The following ADARB2 variants were observed in gnomAD, a reference collection of about 807,000 sequenced individuals.
ADARB2 encodes inactive double-stranded RNA-specific editase B2.
ADARB2 carries 25 observed loss-of-function variants against 62.2 expected under a neutral mutation model. That is an observed-to-expected ratio of 0.40 (90% CI 0.29 to 0.56). The LOEUF is 0.56. Ranked by LOEUF, ADARB2 falls within the 20% of genes least tolerant of loss-of-function variation. The pLI is 0.43. For synonymous variants in ADARB2, 572 were observed against 500.8 expected (o/e 1.14, Z -1.90); for missense variants, 1,071 against 1,077.4 (o/e 0.99, Z 0.08).
chr10:1,385,048 A>C (rs1338333444), intron 1 of ADARB2, among the ~76,000 whole-genome samples: 2 of 152,224 alleles, frequency 1.3e-5, no homozygotes, highest in Admixed American at 6.5e-5. Flanking sequence ...AACTGCCGTG[A>C]ACATGCGCTA....
intron 1 of ADARB2, among the ~76,000 whole-genome samples, chr10:1,565,851 C>T (rs558181725): frequency 4.6e-5 from 7 of 152,132 alleles, no homozygotes; most frequent in Admixed American, 1.3e-4. Flanking sequence ...TGTGTTCACG[C>T]GCTTCTCCGT....
intron 1 of ADARB2, among the ~76,000 whole-genome samples, chr10:1,433,680 G>T (rs72762982): frequency 0.043 from 6,577 of 152,200 alleles, 193 homozygotes; most frequent in Non-Finnish European, 0.063. Context: ...ACCCTGAGTT[G>T]GGATGAGGAC....
intron 1 of ADARB2, among the ~76,000 whole-genome samples, chr10:1,593,398 C>G (rs1833289295): frequency 6.6e-6 from 1 of 152,242 alleles, no homozygotes; most frequent in African/African-American, 2.4e-5. Context: ...TCCCCTTGCC[C>G]TAGCCATGCT....
At chr10:1,452,957 C>T (rs1320482015) in intron 1 of ADARB2, among the ~76,000 whole-genome samples, 1 of 152,218 alleles carries the variant, frequency 6.6e-6, no homozygotes, top group Non-Finnish European at 1.5e-5. Context: ...GTGGGCCGCG[C>T]AGAGCCTGGG....
chr10:1,460,623 T>TTACGAACCTGCCTGTGACCTG (rs1831160277), intron 1 of ADARB2, among the ~76,000 whole-genome samples: 1 of 113,442 alleles, frequency 8.8e-6, no homozygotes, highest in Admixed American at 8.3e-5. Context: ...TTTACCTGCG[T>TTACGAACCTGCCTGTGACCTG]AGCAAACCTG....
intron 3 of ADARB2, among the ~76,000 whole-genome samples, chr10:1,309,880 C>T (rs890599246): frequency 2.6e-5 from 4 of 152,344 alleles, no homozygotes; most frequent in Admixed American, 6.5e-5. Context: ...CTTCAGTTCC[C>T]AGCCTCTGCA....
chr10:1,665,749 T>C (rs1834308402), intron 1 of ADARB2, among the ~76,000 whole-genome samples: 2 of 152,216 alleles, frequency 1.3e-5, no homozygotes, highest in Non-Finnish European at 2.9e-5. Flanking sequence ...GGGGCATTTC[T>C]CTGGGAAGCC....
At chr10:1,228,537 G>A (rs1041722259) in intron 6 of ADARB2, among the ~76,000 whole-genome samples, 5 of 152,202 alleles carry the variant, frequency 3.3e-5, no homozygotes, top group Non-Finnish European at 5.9e-5. Flanking sequence ...CACACAGCAT[G>A]TTCTCCTGGT....
intron 1 of ADARB2, among the ~76,000 whole-genome samples, chr10:1,574,358 G>C (rs1462017631): frequency 6.6e-6 from 1 of 152,360 alleles, no homozygotes; most frequent in Admixed American, 6.5e-5. Context: ...AAGCAGAGGG[G>C]ACATGGCGAA....
intron 1 of ADARB2, among the ~76,000 whole-genome samples, chr10:1,731,934 A>G (rs1835238598): frequency 6.6e-6 from 1 of 152,244 alleles, no homozygotes; most frequent in Admixed American, 6.5e-5. Context: ...TACAATGTGG[A>G]AAATTATCCT....
chr10:1,611,241 G>A (rs1020408358), intron 1 of ADARB2, among the ~76,000 whole-genome samples: 1 of 152,118 alleles, frequency 6.6e-6, no homozygotes, highest in South Asian at 2.1e-4. Flanking sequence ...ATCTTCCAGC[G>A]GCCGATCTTT....
intron 1 of ADARB2, among the ~76,000 whole-genome samples, chr10:1,646,516 G>A (rs1367318235): frequency 1.3e-5 from 2 of 152,236 alleles, no homozygotes; most frequent in Middle Eastern, 3.2e-3. Context: ...AGCGGCTTTA[G>A]CCGCTGGTGG....
intron 1 of ADARB2, among the ~76,000 whole-genome samples, chr10:1,622,412 T>C (rs1833714431): frequency 6.6e-6 from 1 of 152,198 alleles, no homozygotes; most frequent in East Asian, 1.9e-4. Context: ...CTTATACAGG[T>C]TGAAAATATT....
At chr10:1,220,771 A>G (rs1830688665) in intron 6 of ADARB2, among the ~76,000 whole-genome samples, 1 of 152,154 alleles carries the variant, frequency 6.6e-6, no homozygotes, top group African/African-American at 2.4e-5. Context: ...CTAAATTTTT[A>G]CCAGTTGCTA....
intron 1 of ADARB2, among the ~76,000 whole-genome samples, chr10:1,603,098 T>A (rs1488934996): frequency 2.6e-5 from 2 of 76,386 alleles, no homozygotes; most frequent in African/African-American, 3.9e-5. Context: ...CATACACACA[T>A]CAACACACAC....
chr10:1,261,457 G>GA (rs1207829489), intron 4 of ADARB2, among the ~76,000 whole-genome samples: 3 of 149,460 alleles, frequency 2.0e-5, no homozygotes, highest in South Asian at 2.1e-4. Flanking sequence ...AAATTTACAA[G>GA]AAAAAAACAA....
At position 1,564,522 on chromosome 10, in the gene ADARB2, G is replaced by A. The variant is rs11250628; in HGVS notation, c.100+172529C>T. ...TTGCAACCTACTCATCTGACAAAGG[G>A]CTAATATCCAGAATCTACAATGAAC... is the stretch of plus-strand genomic sequence containing the variant. On this transcript the variant is annotated intron_variant, in intron 1 of 9. Transcript: ENST00000381312. Among the ~76,000 whole-genome samples the A allele has an allele frequency of 8.0e-4, 122 of 152,014 alleles. 3 individuals carry two copies. In the East Asian group the frequency reaches 0.015, roughly 18 times the overall value.
chr10:1,536,345 G>A (rs1436949068), intron 1 of ADARB2, among the ~76,000 whole-genome samples: 1 of 152,238 alleles, frequency 6.6e-6, no homozygotes. Context: ...TTGGTCTTTG[G>A]TTTCCAGCCT....
chr10:1,650,863 G>C (rs1198609574), intron 1 of ADARB2, among the ~76,000 whole-genome samples: 1 of 152,200 alleles, frequency 6.6e-6, no homozygotes, highest in African/African-American at 2.4e-5. Context: ...CGTGGATGTA[G>C]CACGGTCACC....
Sources: allele counts gnomAD v4.1 joint callset (sites outside exome capture counted in the v4.1 genomes callset), GRCh38; gene constraint gnomAD v4.1.1; transcripts MANE v1.5; gene names NCBI Gene and HGNC (gene_info 2026-07-23, HGNC 2026-07-21).